CHCHD6: variants seen among roughly 807,000 people sequenced by gnomAD.
The protein encoded by CHCHD6 is MICOS complex subunit MIC25.
A neutral mutation model predicts 32.3 loss-of-function variants in CHCHD6; 28 were observed. That is an observed-to-expected ratio of 0.87 (90% confidence interval 0.64 to 1.19). The LOEUF (loss-of-function observed/expected upper bound fraction) is 1.19, where lower values mean the gene tolerates loss of function less well. Among genes scored for constraint, CHCHD6 ranks in the 50% most tolerant of loss-of-function variants. The pLI is 0.00. For synonymous variants in CHCHD6, 122 were observed against 117.5 expected (o/e 1.04, Z -0.25); for missense variants, 333 against 307.0 (o/e 1.08, Z -0.63).
intron 6 of CHCHD6, among the ~76,000 whole-genome samples, chr3:126,945,575 CG>C (rs1276772899): frequency 1.4e-5 from 1 of 69,756 alleles, no homozygotes; most frequent in Non-Finnish European, 2.7e-5. Context: ...AGGGGAGACT[CG>C]GTGTGGCGGA....
At chr3:126,805,209 G>A (rs1172754789) in intron 4 of CHCHD6, among the ~76,000 whole-genome samples, 1 of 152,198 alleles carries the variant, frequency 6.6e-6, no homozygotes, top group African/African-American at 2.4e-5. Flanking sequence ...AGGGCAATTA[G>A]GCAAGAGAAG....
At chr3:126,796,213 G>C (rs1292762622) in intron 4 of CHCHD6, among the ~76,000 whole-genome samples, 1 of 152,096 alleles carries the variant, frequency 6.6e-6, no homozygotes, top group Non-Finnish European at 1.5e-5. Context: ...AGCCGGGCTT[G>C]GTGGTGTACA....
At chr3:126,715,896 G>C (rs911602247) in intron 1 of CHCHD6, among the ~76,000 whole-genome samples, 1 of 152,142 alleles carries the variant, frequency 6.6e-6, no homozygotes, top group Non-Finnish European at 1.5e-5. Context: ...ACGCTATTCC[G>C]TCCATTCCCT....
At chr3:126,946,798 G>T (rs1344847263) in intron 6 of CHCHD6, among the ~76,000 whole-genome samples, 1 of 152,148 alleles carries the variant, frequency 6.6e-6, no homozygotes, top group African/African-American at 2.4e-5. Flanking sequence ...TAATTCACTC[G>T]GAATCTCCTT....
At chr3:126,708,353 A>G (rs1389867614) in intron 1 of CHCHD6, among the ~76,000 whole-genome samples, 1 of 152,204 alleles carries the variant, frequency 6.6e-6, no homozygotes, top group African/African-American at 2.4e-5. Flanking sequence ...CTTGGCAGCC[A>G]CAAGGAGGGT....
chr3:126,858,031 C>T (rs1177905587), intron 5 of CHCHD6, among the ~76,000 whole-genome samples: 2 of 152,116 alleles, frequency 1.3e-5, no homozygotes, highest in African/African-American at 2.4e-5. Context: ...CACGATAGCC[C>T]TGAAAATGAG....
chr3:126,729,758 C>T (rs751324423), intron 2 of CHCHD6, among the ~76,000 whole-genome samples: 38 of 152,270 alleles, frequency 2.5e-4, no homozygotes, highest in Non-Finnish European at 5.1e-4. Flanking sequence ...TCATTGAGCG[C>T]CTCACACAGC....
At chr3:126,862,390 TC>T (rs1941949993) in intron 5 of CHCHD6, among the ~76,000 whole-genome samples, 1 of 122,342 alleles carries the variant, frequency 8.2e-6, no homozygotes, top group African/African-American at 3.2e-5. Flanking sequence ...CACCTCCTCC[TC>T]CTCTACCATC....
intron 4 of CHCHD6, among the ~76,000 whole-genome samples, chr3:126,820,130 C>A (rs1940086958): frequency 6.6e-6 from 1 of 152,260 alleles, no homozygotes; most frequent in Non-Finnish European, 1.5e-5. Flanking sequence ...TGCCCATCTC[C>A]ACTAGAGACA....
chr3:126,827,913 C>T (rs1291404137), intron 4 of CHCHD6, among the ~76,000 whole-genome samples: 2 of 152,196 alleles, frequency 1.3e-5, no homozygotes, highest in African/African-American at 2.4e-5. Flanking sequence ...GCTCCCTTCT[C>T]ATGGCACACT....
intron 4 of CHCHD6, among the ~76,000 whole-genome samples, chr3:126,738,846 G>C (rs1328550273): frequency 6.6e-6 from 1 of 152,212 alleles, no homozygotes; most frequent in Non-Finnish European, 1.5e-5. Context: ...ATATTTGGGA[G>C]TCAACTAAAA....
chr3:126,803,931 G>A (rs148863502), intron 4 of CHCHD6, among the ~76,000 whole-genome samples: 2,759 of 152,202 alleles, frequency 0.018, 79 homozygotes, highest in African/African-American at 0.061. Flanking sequence ...GCTCAACTAC[G>A]TGGAAACTGA....
chr3:126,748,392 C>T (rs1008770693), intron 4 of CHCHD6, among the ~76,000 whole-genome samples: 2 of 152,114 alleles, frequency 1.3e-5, no homozygotes, highest in African/African-American at 4.8e-5. Flanking sequence ...GTCAGGAATT[C>T]GAGACCAGCC....
At chr3:126,907,738 C>A (rs996398056) in intron 5 of CHCHD6, among the ~76,000 whole-genome samples, 12 of 152,190 alleles carry the variant, frequency 7.9e-5, no homozygotes, top group Non-Finnish European at 1.6e-4. Flanking sequence ...GCATCATCAA[C>A]CCTTGGCCCT....
Position 126,857,771 on chromosome 3 carries a change from A to G in CHCHD6, c.495+5041A>G, listed in dbSNP as rs1342105557. ...AACATGATACCATTGCACACTCGGA[A>G]GAATGGCCAAAGTGGAAAAGACAGG... On this transcript the variant is annotated intron_variant, in intron 5 of 7. Transcript: ENST00000290913. Among the ~76,000 whole-genome samples the G allele has an allele frequency of 3.9e-5, 6 of 152,258 alleles. No individual in the cohort carries two copies. The East Asian group carries it at 1.2e-3, about 29-fold the overall frequency.
At chr3:126,820,949 AC>A (rs1368716895) in intron 4 of CHCHD6, among the ~76,000 whole-genome samples, 2 of 152,018 alleles carry the variant, frequency 1.3e-5, no homozygotes, top group Admixed American at 1.3e-4. Context: ...ACTCCCCAGA[AC>A]CCCATGCCCA....
At chr3:126,740,568 G>A (rs1936248852) in intron 4 of CHCHD6, among the ~76,000 whole-genome samples, 1 of 152,184 alleles carries the variant, frequency 6.6e-6, no homozygotes, top group East Asian at 1.9e-4. Context: ...GGCCCACATG[G>A]CTGCTAACGT....
chr3:126,811,533 TC>T (rs985763675), intron 4 of CHCHD6, among the ~76,000 whole-genome samples: 20 of 152,088 alleles, frequency 1.3e-4, no homozygotes, highest in African/African-American at 4.6e-4. Context: ...TCTAATTCTT[TC>T]CTTTGAGTGT....
intron 6 of CHCHD6, among the ~76,000 whole-genome samples, chr3:126,946,094 C>A (rs539545719): frequency 7.9e-5 from 12 of 152,180 alleles, no homozygotes; most frequent in Admixed American, 5.9e-4. Flanking sequence ...CCCAAGGACT[C>A]CCCTGTGTCC....
Sources: gnomAD v4.1 joint callset for allele counts (sites outside exome capture counted in the v4.1 genomes callset) on GRCh38, gnomAD v4.1.1 for gene constraint, MANE v1.5 for transcripts, NCBI Gene and HGNC (gene_info 2026-07-23, HGNC 2026-07-21) for gene names.